The following DAB1 variants were observed in gnomAD, a reference collection of about 807,000 sequenced individuals.
DAB1 encodes the protein DAB adaptor protein 1, also known as disabled homolog 1.
DAB1 carries 15 observed loss-of-function variants against 64.6 expected under a neutral mutation model. The ratio of observed to expected loss-of-function variants is 0.23; its 90% confidence interval spans 0.16 to 0.36. The LOEUF (loss-of-function observed/expected upper bound fraction) is 0.36, where lower values mean the gene tolerates loss of function less well. Ranked by LOEUF, DAB1 falls within the 10% of genes least tolerant of loss-of-function variation. The pLI is 1.00. For synonymous variants in DAB1, 235 were observed against 251.9 expected (o/e 0.93, Z 0.64); for missense variants, 596 against 706.7 (o/e 0.84, Z 1.78).
chr1:57,771,443 G>A (rs1355953071), intron 6 of DAB1, among the ~76,000 whole-genome samples: 1 of 152,108 alleles, frequency 6.6e-6, no homozygotes, highest in Non-Finnish European at 1.5e-5. Context: ...TTGTAGTAGA[G>A]TGTGACATGG....
At chr1:57,441,818 C>T (rs1430171926) in intron 7 of DAB1, among the ~76,000 whole-genome samples, 1 of 152,174 alleles carries the variant, frequency 6.6e-6, no homozygotes, top group Non-Finnish European at 1.5e-5. Flanking sequence ...AATGGGATTG[C>T]TGGGCCAAAT....
intron 1 of DAB1, among the ~76,000 whole-genome samples, chr1:57,421,992 C>G (rs1684947725): frequency 6.7e-6 from 1 of 150,186 alleles, no homozygotes; most frequent in African/African-American, 2.5e-5. Flanking sequence ...CCGGTGCCAT[C>G]CAGAATCACT....
chr1:57,578,829 A>G (rs1539052), intron 7 of DAB1, among the ~76,000 whole-genome samples: 100,505 of 152,110 alleles, frequency 0.66, 34,129 homozygotes, highest in South Asian at 0.8. Context: ...CCTTGAGCCT[A>G]GGACTAAATG....
At chr1:58,409,550 A>T (rs1644647501) in intron 3 of DAB1, among the ~76,000 whole-genome samples, 1 of 152,192 alleles carries the variant, frequency 6.6e-6, no homozygotes. Flanking sequence ...AGGCCGGAAA[A>T]TCATTTGTCT....
intron 5 of DAB1, among the ~76,000 whole-genome samples, chr1:57,903,321 T>C (rs775136022): frequency 4.6e-5 from 7 of 152,200 alleles, no homozygotes; most frequent in Non-Finnish European, 5.9e-5. Context: ...TCTAAGTTAG[T>C]TGGCTTCTAT....
chr1:58,481,828 G>A (rs758684931), intron 3 of DAB1, among the ~76,000 whole-genome samples: 13 of 152,094 alleles, frequency 8.5e-5, no homozygotes, highest in African/African-American at 2.4e-5. Context: ...CTTGACTGCC[G>A]CCATGTAAGA....
chr1:58,179,431 T>C (rs1039954085), intron 4 of DAB1, among the ~76,000 whole-genome samples: 1 of 152,144 alleles, frequency 6.6e-6, no homozygotes. Context: ...TTTTTAAATA[T>C]TTGTTAGAAT....
intron 14 of DAB1, among the ~76,000 whole-genome samples, chr1:57,010,160 T>C (rs191868890): frequency 1.3e-5 from 2 of 152,342 alleles, no homozygotes; most frequent in East Asian, 3.9e-4. Context: ...CTGCAGACTG[T>C]AGGCAAATGC....
chr1:57,286,279 A>G (rs911978706), intron 2 of DAB1, among the ~76,000 whole-genome samples: 14 of 152,220 alleles, frequency 9.2e-5, no homozygotes, highest in Admixed American at 3.9e-4. Context: ...CTTTCTCACA[A>G]TAGATGACCC....
chr1:57,112,058 A>T (rs1270574671), intron 4 of DAB1, among the ~76,000 whole-genome samples: 1 of 152,226 alleles, frequency 6.6e-6, no homozygotes, highest in Admixed American at 6.5e-5. Context: ...TATCTAACAC[A>T]TAAAAGTCCG....
chr1:57,008,443 G>A (rs982212194), intron 14 of DAB1, among the ~76,000 whole-genome samples: 9 of 152,142 alleles, frequency 5.9e-5, no homozygotes, highest in African/African-American at 1.9e-4. Flanking sequence ...AATGATGATG[G>A]TGATGGTGAT....
intron 6 of DAB1, among the ~76,000 whole-genome samples, chr1:57,777,429 C>T (rs571230942): frequency 4.6e-5 from 7 of 151,768 alleles, no homozygotes; most frequent in African/African-American, 9.6e-5. Flanking sequence ...ATTACGTACA[C>T]GTTAAATCAC....
rs527991845 is a variant in DAB1, at chr1:57,502,331, A to G, written n.625+147261T>C. On this transcript the variant is annotated intron_variant and non_coding_transcript_variant, in intron 7 of 20. Coordinates refer to the DAB1 transcript ENST00000485760. ...AAGAGTCCGTCTCAAAAAAAAAAAAAAAAAAAAGAAAGAAAGAAAGAAACC... is the reference window on the plus strand; with the variant it reads ...AAGAGTCCGTCTCAAAAAAAAAAAAGAAAAAAAGAAAGAAAGAAAGAAACC... Among the ~76,000 whole-genome samples the G allele has an allele frequency of 4.0e-3, 607 of 150,628 alleles. 2 individuals carry two copies. The highest frequency in any genetic ancestry group is 0.014 in the African/African-American group (587 of 40,718).
chr1:57,995,621 A>C (rs1646412581), intron 5 of DAB1, among the ~76,000 whole-genome samples: 1 of 152,204 alleles, frequency 6.6e-6, no homozygotes, highest in African/African-American at 2.4e-5. Flanking sequence ...GTGACACAGA[A>C]TACTTCATAA....
chr1:57,764,211 G>A lies in DAB1; in HGVS notation n.552-114546C>T, dbSNP rs189351840. 1.5e-3 allele frequency among the ~76,000 whole-genome samples: 222 copies of A among 152,268 alleles called. 1 individual carries two copies. Among genetic ancestry groups the A allele is most frequent in the African/African-American group, 5.0e-3 (206 of 41,554 alleles). On this transcript the variant is annotated intron_variant and non_coding_transcript_variant, in intron 6 of 20. Coordinates refer to the DAB1 transcript ENST00000485760. Reference sequence around the variant, plus strand: ...ATAGCAACATTTCAGTTCTAGAGGGGCCATGAATTCAGGTCTTAGCTGCCA... The same window carrying A: ...ATAGCAACATTTCAGTTCTAGAGGGACCATGAATTCAGGTCTTAGCTGCCA...
At chr1:58,012,973 G>A (rs1646689883) in intron 5 of DAB1, among the ~76,000 whole-genome samples, 2 of 152,108 alleles carry the variant, frequency 1.3e-5, no homozygotes, top group Non-Finnish European at 2.9e-5. Context: ...TATAACTTAT[G>A]AGCCTCTGGG....
At chr1:57,668,144 T>A (rs1436343560) in intron 6 of DAB1, among the ~76,000 whole-genome samples, 2 of 152,140 alleles carry the variant, frequency 1.3e-5, no homozygotes. Context: ...TTCAATATTG[T>A]GTCACTAAAC....
At chr1:57,824,010 G>A (rs568217382), downstream of DAB1, among the ~76,000 whole-genome samples, 2 of 152,270 alleles carry the variant, frequency 1.3e-5, no homozygotes, top group South Asian at 2.1e-4. Flanking sequence ...GTGTAATAAT[G>A]TGCTGCTGAT....
At chr1:57,675,045 A>G (rs946070182) in intron 6 of DAB1, among the ~76,000 whole-genome samples, 1 of 152,204 alleles carries the variant, frequency 6.6e-6, no homozygotes. Context: ...TGCAACTTCT[A>G]TTGCACCATA....
Sources: gnomAD v4.1 joint callset for allele counts (sites outside exome capture counted in the v4.1 genomes callset) on GRCh38, gnomAD v4.1.1 for gene constraint, MANE v1.5 for transcripts, NCBI Gene and HGNC (gene_info 2026-07-23, HGNC 2026-07-21) for gene names.